ODAD3: variants seen among roughly 807,000 people sequenced by gnomAD.
The protein encoded by ODAD3 is outer dynein arm-docking complex subunit 3.
Under a neutral mutation model 70.9 loss-of-function variants are expected in ODAD3, and 57 were observed. That is an observed-to-expected ratio of 0.80 (90% CI 0.65 to 1.00). ODAD3 has a LOEUF of 1.00. Ranked by LOEUF, ODAD3 falls within the 50% of genes least tolerant of loss-of-function variation. ODAD3 has a pLI of 0.00. For missense variants in ODAD3, 797 were observed against 763.9 expected, an observed-to-expected ratio of 1.04 and a Z score of -0.51; for synonymous variants, 327 against 315.9, an observed-to-expected ratio of 1.04 and a Z score of -0.37.
chr19:11,430,312 AT>A (rs1969476309), intron 3 of ODAD3, among the ~76,000 whole-genome samples: 1 of 151,534 alleles, frequency 6.6e-6, no homozygotes, highest in Non-Finnish European at 1.5e-5. Context: ...TAAGTTTTGT[AT>A]TTTTAGTAGA....
intron 3 of ODAD3, chr19:11,430,478 T>G: frequency 8.5e-5 from 49 of 574,752 alleles, no homozygotes; most frequent in Middle Eastern, 4.7e-4. Context: ...TATTAGGATA[T>G]GAGCTGTTTT....
chr19:11,425,141 A>G lies in ODAD3; in HGVS notation c.963+1003T>C, dbSNP rs777124560. On this transcript the variant is annotated intron_variant, in intron 7 of 12. Coordinates refer to ENST00000356392, the MANE Select transcript of ODAD3 (RefSeq NM_145045.5). ...TATGTACATATGTGTATATGTGTAT[A>G]TGTACATATGTATATATACATATGT... is the stretch of plus-strand genomic sequence containing the variant. 8.2e-5 allele frequency among the ~76,000 whole-genome samples: 11 copies of G among 134,950 alleles called. No individual in the cohort carries two copies. The South Asian group carries it at 1.6e-3, about 20-fold the overall frequency. The allele number at this position is 134,950 out of a possible 152,430, so 88.5% of individuals were successfully genotyped here. A position where few individuals can be genotyped will look rare whatever the true frequency, so the allele number is the denominator to read the frequency against.
chr19:11,426,543 A>T lies in ODAD3; in HGVS notation c.743T>A (p.Leu248Gln). The T allele has an allele frequency of 6.2e-7, 1 of 1,614,016 alleles. No individual in the cohort carries two copies. Among genetic ancestry groups the T allele is most frequent in the Non-Finnish European group, 8.5e-7 (1 of 1,179,974 alleles). Residue 248 changes from leucine to glutamine, a missense_variant, in exon 6 of 13, where the codon CTG becomes CAG. Leu to Gln is a moderately radical substitution (Grantham distance 113). Coordinates refer to ENST00000356392, the MANE Select transcript of ODAD3 (RefSeq NM_145045.5). ...CACCACCTCAGCCTCCATGGAGTCC[A>T]GCCGGTTCTCCAAGTTGAGGCTCTC... ...MDESLNLENRLDSMEAEVVRT... is the reference protein window; with the variant it reads ...MDESLNLENRQDSMEAEVVRT...
Position 11,426,273 on chromosome 19 carries a change from G to A in ODAD3, c.841-7C>T. 6.2e-7 allele frequency: 1 copy of A among 1,613,650 alleles called. No homozygotes were observed. Among genetic ancestry groups the A allele is most frequent in the Non-Finnish European group, 8.5e-7 (1 of 1,179,852 alleles). The stretch of plus-strand genomic sequence containing the variant: ...CTAGGTACTGCAGCTGGTTCTGGAG[G>A]GCGGGCAGGGTAGCAGGGAGACCAG... On this transcript the variant is annotated splice_region_variant and splice_polypyrimidine_tract_variant and intron_variant, in intron 6 of 12. Coordinates refer to ENST00000356392, the MANE Select transcript of ODAD3 (RefSeq NM_145045.5).
chr19:11,435,530 T>C, upstream of ODAD3: 1 of 491,876 alleles, frequency 2.0e-6, no homozygotes. Flanking sequence ...GTCTCGGCTC[T>C]GGCACCGCCC....
intron 7 of ODAD3, among the ~76,000 whole-genome samples, chr19:11,424,601 A>G (rs1297122693): frequency 7.4e-6 from 1 of 134,560 alleles, no homozygotes; most frequent in African/African-American, 3.3e-5. Context: ...GTATAAATAT[A>G]TATGTGTATA....
chr19:11,425,380 TGTATGTAC>T (rs1969314936), intron 7 of ODAD3, among the ~76,000 whole-genome samples: 2 of 136,526 alleles, frequency 1.5e-5, no homozygotes, highest in African/African-American at 6.5e-5. Flanking sequence ...TATATATGTG[TGTATGTAC>T]ATATGTGTAT....
In ODAD3 at chr19:11,426,232, C is replaced by G. The variant is rs780995024; in HGVS notation, c.875G>C (p.Arg292Pro). 6.3e-5 allele frequency: 102 copies of G among 1,613,814 alleles called. No individual in the cohort carries two copies. The highest frequency in any genetic ancestry group is 8.1e-5 in the Non-Finnish European group (96 of 1,179,966). ...GTAGCGTTCCCGCTTCTTGCGCTCT[C>G]GAACCAAGGTCTCCTCTAGGTACTG... ...QLQYLEETLV[R>P]ERKKRERYIS... is the part of the protein sequence containing the mutation. The change falls in exon 7 of 13, where the codon CGA (arginine) becomes CCA (proline). Residue 292 changes from arginine (R) to proline (P), a missense_variant. By Grantham distance (103) the Arg-to-Pro change is moderately radical (BLOSUM62 -2). Coordinates refer to ENST00000356392, the MANE Select transcript of ODAD3 (RefSeq NM_145045.5).
At position 11,427,028 on chromosome 19, in the gene ODAD3, G is replaced by C. The variant is rs201858348; in HGVS notation, c.457C>G (p.Leu153Val). Residue 153 changes from leucine (L) to valine (V), a missense_variant, in exon 4 of 13, where the codon CTA becomes GTA. By Grantham distance (32) the Leu-to-Val change is conservative (BLOSUM62 1). Coordinates refer to ENST00000356392, the MANE Select transcript of ODAD3 (RefSeq NM_145045.5). ...KNRTGQALEH[L>V]DHRLREKVKQ... ...ACCTTCTCCCTCAGCCGGTGGTCTA[G>C]GTGCTCCAGGGCCTGCCGCAAGGAG... 1.3e-6 allele frequency: 2 copies of C among 1,588,620 alleles called. No homozygotes were observed. Among genetic ancestry groups the C allele is most frequent in the African/African-American group, 1.3e-5 (1 of 74,690 alleles).
chr19:11,422,474 A>G lies in ODAD3; in HGVS notation c.1431T>C (p.Thr477=). The change falls in exon 10 of 13, where the codon ACT becomes ACC. Residue 477 remains threonine, a synonymous_variant. Coordinates refer to ENST00000356392, the MANE Select transcript of ODAD3 (RefSeq NM_145045.5). The surrounding 1 kb of genome is among the most constrained non-coding windows in gnomAD (Gnocchi z 4.6). ...GCTTCCCCTGGGCGGGGCCTACCAC[A>G]GTGATGTGGATCAGCTTGCTGGCCA... ...EHLASKLIHI[T]VEDGRFAGKE... is the part of the protein sequence containing the mutation. The G allele has an allele frequency of 6.3e-7, 1 of 1,589,176 alleles. No individual in the cohort carries two copies. Among genetic ancestry groups the G allele is most frequent in the Non-Finnish European group, 8.6e-7 (1 of 1,168,900 alleles).
At chr19:11,427,185 G>T in intron 3 of ODAD3, 145 bp from the exon 4 acceptor site, 2 of 874,532 alleles carry the variant, frequency 2.3e-6, no homozygotes, top group East Asian at 2.7e-5. Context: ...CACCCCTTCT[G>T]TGTTGTTTTT....
At chr19:11,435,304 A>G, upstream of ODAD3, 3 of 873,326 alleles carry the variant, frequency 3.4e-6, no homozygotes, top group South Asian at 5.7e-5. Flanking sequence ...GCGCCGCAGG[A>G]CGGAGGGTCT....
intron 3 of ODAD3, among the ~76,000 whole-genome samples, chr19:11,429,817 C>T (rs1028970568): frequency 2.7e-5 from 4 of 150,940 alleles, no homozygotes; most frequent in Non-Finnish European, 5.9e-5. Context: ...GGATTACGGG[C>T]GTGAGCCACC....
At chr19:11,425,511 G>GTATA (rs1387713726) in intron 7 of ODAD3, among the ~76,000 whole-genome samples, 2 of 135,904 alleles carry the variant, frequency 1.5e-5, no homozygotes, top group African/African-American at 6.0e-5. Flanking sequence ...ATATATGTGT[G>GTATA]TATATATGTA....
chr19:11,432,696 G>A (rs1969527772), intron 1 of ODAD3, among the ~76,000 whole-genome samples: 1 of 152,110 alleles, frequency 6.6e-6, no homozygotes, highest in African/African-American at 2.4e-5. Flanking sequence ...CGTGCCAATA[G>A]GTATCCATGG....
In ODAD3 at chr19:11,425,003, G is replaced by A. The variant is rs539817253; in HGVS notation, c.964-974C>T. ...TGTGTATATGTACATATGTGTATAT[G>A]TATATATGTGTATATATACATATGT... On this transcript the variant is annotated intron_variant, in intron 7 of 12. Coordinates refer to ENST00000356392, the MANE Select transcript of ODAD3 (RefSeq NM_145045.5). Among the ~76,000 whole-genome samples the A allele has an allele frequency of 1.8e-4, 23 of 124,964 alleles. 3 individuals are homozygous for A. In the East Asian group the frequency reaches 1.9e-3, roughly 10 times the overall value. The allele number at this position is 124,964 out of a possible 152,430, so 82.0% of individuals were successfully genotyped here. A position where few individuals can be genotyped will look rare whatever the true frequency, so the allele number is the denominator to read the frequency against.
At chr19:11,426,828 C>G (rs768809974) in intron 4 of ODAD3, 44 bp from the exon 5 acceptor site, 4 of 1,612,998 alleles carry the variant, frequency 2.5e-6, no homozygotes, top group Non-Finnish European at 3.4e-6. Flanking sequence ...CGCACTCAAT[C>G]CCTCCCACAC....
Position 11,424,990 on chromosome 19 carries a change from CA to C in ODAD3, c.964-962del, listed in dbSNP as rs1969253047. Among the ~76,000 whole-genome samples, 17 of 98,080 alleles carry C rather than the reference CA, an allele frequency of 1.7e-4. 1 individual carries two copies. Among genetic ancestry groups the C allele is most frequent in the South Asian group, 9.2e-4 (3 of 3,274 alleles). 64.3% of individuals were successfully genotyped at this position (98,080 alleles called of 152,430 possible). On this transcript the variant is annotated intron_variant, in intron 7 of 12. Transcript: ENST00000356392. Reference sequence around the variant, plus strand: ...ATATATGTATATATGTGTATATGTACATATGTGTATATGTATATATGTGTAT... The same window carrying C: ...ATATATGTATATATGTGTATATGTACTATGTGTATATGTATATATGTGTAT...
At position 11,430,953 on chromosome 19, in the gene ODAD3, A is replaced by T; in HGVS notation, c.312T>A (p.Ser104Arg). The T allele has an allele frequency of 6.2e-7, 1 of 1,613,994 alleles. No homozygotes were observed. Among genetic ancestry groups the T allele is most frequent in the Non-Finnish European group, 8.5e-7 (1 of 1,180,024 alleles). The change falls in exon 2 of 13, where the codon AGT (serine) becomes AGA (arginine). Residue 104 changes from serine to arginine, a missense_variant. Transcript: ENST00000356392. ...GTGCCTTAGTCTCCTTGCGGAGCTG[A>T]CTGATGGTCTCCTGGTTCTTCTTGA... ...WNIKKNQETI[S>R]QLRKETKALE...
Sources: gnomAD v4.1 joint callset for allele counts (sites outside exome capture counted in the v4.1 genomes callset) on GRCh38, gnomAD v4.1.1 for gene constraint, Gnocchi (gnomAD v3.1) non-coding constraint, MANE v1.5 for transcripts, NCBI Gene and HGNC (gene_info 2026-07-23, HGNC 2026-07-21) for gene names.